Variants in ATP12A observed in about 807,000 individuals in gnomAD.
ATP12A encodes the protein potassium-transporting ATPase alpha chain 2.
ATP12A carries 81 observed loss-of-function variants against 111.2 expected under a neutral mutation model. That is an observed-to-expected ratio of 0.73 (90% CI 0.61 to 0.88). ATP12A has a LOEUF of 0.88. Among genes scored for constraint, ATP12A ranks in the 40% least tolerant of loss-of-function variants. The pLI, the probability that ATP12A is intolerant of heterozygous loss-of-function variation, is 0.00. For synonymous variants in ATP12A, 498 were observed against 499.8 expected, an observed-to-expected ratio of 1.00 and a Z score of 0.05; for missense variants, 1,196 against 1,313.1, an observed-to-expected ratio of 0.91 and a Z score of 1.38.
intron 11 of ATP12A, among the ~76,000 whole-genome samples, chr13:24,696,657 AGCCGAGATTGC>A (rs1875168957): frequency 1.4e-5 from 1 of 73,226 alleles, no homozygotes; most frequent in Non-Finnish European, 2.8e-5. Flanking sequence ...GCTTGCAGTG[AGCCGAGATTGC>A]GCCACTGCAG....
chr13:24,689,249 C>G lies in ATP12A; in HGVS notation c.433-13C>G. 6.2e-7 allele frequency: 1 copy of G among 1,612,260 alleles called. No individual in the cohort carries two copies. The highest frequency in any genetic ancestry group is 8.5e-7 in the Non-Finnish European group (1 of 1,178,352). On this transcript the variant is annotated splice_polypyrimidine_tract_variant and intron_variant, in intron 4 of 22. Transcript: ENST00000381946. The stretch of plus-strand genomic sequence containing the variant: ...TGCTGGTTTCTCTGACTGACGCCCT[C>G]CTTCTCACCCAGGTGTACTTGGGCT...
chr13:24,710,418 C>A (rs760687583), intron 19 of ATP12A, 42 bp from the exon 20 acceptor site: 10 of 1,607,812 alleles, frequency 6.2e-6, no homozygotes, highest in Non-Finnish European at 7.6e-6. Flanking sequence ...TAGAAGTTTT[C>A]CTTTAGGCCT....
intron 11 of ATP12A, among the ~76,000 whole-genome samples, chr13:24,696,754 G>GAA: frequency 1.0e-5 from 1 of 97,378 alleles, no homozygotes; most frequent in Non-Finnish European, 2.1e-5. Flanking sequence ...AAAGAAAGGG[G>GAA]AGAGGGGCTG....
chr13:24,708,452 G>A (rs527398798), intron 17 of ATP12A, among the ~76,000 whole-genome samples: 1 of 152,212 alleles, frequency 6.6e-6, no homozygotes, highest in East Asian at 1.9e-4. Context: ...AGAGACTGGA[G>A]ATGTCTTTCC....
At chr13:24,710,099 G>A (rs1027025478) in intron 19 of ATP12A, among the ~76,000 whole-genome samples, 4 of 152,118 alleles carry the variant, frequency 2.6e-5, no homozygotes, top group South Asian at 2.1e-4. Context: ...CCCACAGTGC[G>A]GCCAAATAAA....
At chr13:24,708,945 GA>G (rs1555255692) in intron 17 of ATP12A, among the ~76,000 whole-genome samples, 4 of 141,646 alleles carry the variant, frequency 2.8e-5, no homozygotes, top group African/African-American at 8.0e-5. Flanking sequence ...AAGAAAGAAA[GA>G]AAGAAAGAAA....
At chr13:24,691,559 G>A (rs1250724330) in intron 8 of ATP12A, among the ~76,000 whole-genome samples, 1 of 152,082 alleles carries the variant, frequency 6.6e-6, no homozygotes, top group Non-Finnish European at 1.5e-5. Context: ...GAAGCTTGAT[G>A]CCTTCCGCAC....
rs890135151 is a variant in ATP12A at position 24,685,442 on chromosome 13, CG to C, written c.228+75del. 2.6e-6 allele frequency: 4 copies of C among 1,531,686 alleles called. No homozygotes were observed. The highest frequency in any genetic ancestry group is 2.7e-5 in the African/African-American group (2 of 73,142). 94.9% of individuals were successfully genotyped at this position (1,531,686 alleles called of 1,614,324 possible). A position where few individuals can be genotyped will look rare whatever the true frequency, so the allele number is the denominator to read the frequency against. ...TCTACAGAGGGAAGGCTGTGTGTGG[CG>C]GGGGGCTGTGTGGAAGAGTAGCGGC... On this transcript the variant is annotated intron_variant, in intron 3 of 22. Coordinates refer to ENST00000381946, the MANE Select transcript of ATP12A (RefSeq NM_001676.7). The surrounding 1 kb of genome is among the most constrained non-coding windows in gnomAD (Gnocchi z 5.5).
At chr13:24,687,637 G>A (rs1309002170) in intron 3 of ATP12A, among the ~76,000 whole-genome samples, 2 of 152,222 alleles carry the variant, frequency 1.3e-5, no homozygotes, top group African/African-American at 4.8e-5. Context: ...CCAGGGCAGG[G>A]GCTGCTCACA....
At position 24,710,624 on chromosome 13, in the gene ATP12A, C is replaced by T. The variant is rs755698118; in HGVS notation, c.2897+31C>T. 3.1e-6 allele frequency: 5 copies of T among 1,613,470 alleles called. No homozygotes were observed. In the African/African-American group the frequency reaches 6.7e-5, roughly 22 times the overall value. On this transcript the variant is annotated intron_variant, in intron 20 of 22. Transcript: ENST00000381946. ...GCCTGTGCCCGGCCTCCTGGGGCAG[C>T]CCTGGGCCTGCCGTGCAAGGATGAT...
At chr13:24,681,940 GGT>G (rs368873685) in intron 2 of ATP12A, among the ~76,000 whole-genome samples, 42 of 135,960 alleles carry the variant, frequency 3.1e-4, no homozygotes, top group Admixed American at 2.5e-3. Context: ...TGTAGTGTGT[GGT>G]GTGTGTGTGT....
rs377111529 is a variant in ATP12A, at chr13:24,709,491, C to T, written c.2617+4C>T. The stretch of plus-strand genomic sequence containing the variant: ...GTGTACTCATACCTGCACATTGGTA[C>T]GATGAGGGCGCGTCTTCCCCATCAC... On this transcript the variant is annotated splice_donor_region_variant and intron_variant, in intron 18 of 22. Coordinates refer to ENST00000381946, the MANE Select transcript of ATP12A (RefSeq NM_001676.7). 6 of 1,612,540 alleles carry T rather than the reference C, an allele frequency of 3.7e-6. No individual in the cohort carries two copies. The highest frequency in any genetic ancestry group is 2.2e-5 in the East Asian group (1 of 44,822).
chr13:24,683,667 C>T (rs1296456815), intron 2 of ATP12A, among the ~76,000 whole-genome samples: 2 of 152,168 alleles, frequency 1.3e-5, no homozygotes, highest in Non-Finnish European at 2.9e-5. Context: ...ATTCAAATCC[C>T]AGTGTAACTG....
rs530504208 is a variant in ATP12A at position 24,682,162 on chromosome 13, G to A, written c.168+442G>A. On this transcript the variant is annotated intron_variant, in intron 2 of 22. Coordinates refer to ENST00000381946, the MANE Select transcript of ATP12A (RefSeq NM_001676.7). Reference sequence around the variant, plus strand: ...TATATGTGTGTGGTGTGTGTGTGGTGTGTGTATGTGTGTGGTGTGTGTATG... The same window carrying A: ...TATATGTGTGTGGTGTGTGTGTGGTATGTGTATGTGTGTGGTGTGTGTATG... Among the ~76,000 whole-genome samples, 652 of 118,808 alleles carry A rather than the reference G, an allele frequency of 5.5e-3. 8 individuals carry two copies. The highest frequency in any genetic ancestry group is 8.7e-3 in the Non-Finnish European group (521 of 60,208). The allele number at this position is 118,808 out of a possible 152,430, so 77.9% of individuals were successfully genotyped here.
intron 17 of ATP12A, among the ~76,000 whole-genome samples, chr13:24,708,946 A>AAAGAAGGAAGG (rs1875817532): frequency 1.0e-5 from 1 of 100,234 alleles, no homozygotes; most frequent in African/African-American, 3.3e-5. Context: ...AGAAAGAAAG[A>AAAGAAGGAAGG]AAGAAAGAAA....
intron 12 of ATP12A, 135 bp downstream of exon 12, chr13:24,698,985 T>C (rs1367650201): frequency 3.5e-6 from 4 of 1,153,682 alleles, no homozygotes; most frequent in Non-Finnish European, 4.8e-6. Flanking sequence ...ATAAGCAGGA[T>C]GGGAACAAGG....
rs140872527 is a variant in ATP12A at position 24,710,943 on chromosome 13, G to A, written c.2999+50G>A. ...AGGAAAGAGCCAGCCTCTGCTTTGA[G>A]CTGTCGCAGCCTAAATAAACCTGAG... is the stretch of plus-strand genomic sequence containing the variant. On this transcript the variant is annotated intron_variant, in intron 21 of 22. Coordinates refer to ENST00000381946, the MANE Select transcript of ATP12A (RefSeq NM_001676.7). 10,323 of 1,529,786 alleles carry A rather than the reference G, an allele frequency of 6.7e-3. 48 individuals are homozygous for A. Among genetic ancestry groups the A allele is most frequent in the Non-Finnish European group, 8.3e-3 (9,200 of 1,106,086 alleles). The allele number at this position is 1,529,786 out of a possible 1,614,324, so 94.8% of individuals were successfully genotyped here.
chr13:24,686,626 C>A (rs917994558), intron 3 of ATP12A, among the ~76,000 whole-genome samples: 3 of 152,050 alleles, frequency 2.0e-5, no homozygotes, highest in Non-Finnish European at 4.4e-5. Flanking sequence ...GTAGTCCCAG[C>A]TACTCGGGAG....
chr13:24,701,482 C>T (rs1190754739), intron 13 of ATP12A, among the ~76,000 whole-genome samples: 1 of 79,534 alleles, frequency 1.3e-5, no homozygotes, highest in Non-Finnish European at 2.3e-5. Context: ...GCTTGGGCAA[C>T]AAGAGTGAAA....
Sources: allele counts gnomAD v4.1 joint callset (sites outside exome capture counted in the v4.1 genomes callset), GRCh38; gene constraint gnomAD v4.1.1; non-coding constraint Gnocchi (gnomAD v3.1); transcripts MANE v1.5; gene names NCBI Gene and HGNC (gene_info 2026-07-23, HGNC 2026-07-21).